Variants in EPHA5 observed in about 807,000 individuals in gnomAD.
EPHA5 encodes the protein EPH receptor A5.
In EPHA5, 60 loss-of-function variants were observed where a neutral mutation model predicts 105.0. The observed-to-expected ratio is 0.57, with a 90% CI of 0.46 to 0.71. The LOEUF (loss-of-function observed/expected upper bound fraction) is 0.71. Ranked by LOEUF, EPHA5 falls within the 30% of genes least tolerant of loss-of-function variation. EPHA5 has a pLI of 0.00. For missense variants in EPHA5, 1,218 were observed against 1,274.7 expected (o/e 0.96, Z 0.68); for synonymous variants, 513 against 449.1 (o/e 1.14, Z -1.80).
intron 8 of EPHA5, among the ~76,000 whole-genome samples, chr4:65,399,112 C>T (rs1462358156): frequency 6.6e-6 from 1 of 152,182 alleles, no homozygotes; most frequent in East Asian, 1.9e-4. Context: ...ATGTGACACC[C>T]TCTTTGGGGC....
chr4:65,584,489 T>C (rs1003284428), intron 3 of EPHA5, among the ~76,000 whole-genome samples: 9 of 151,810 alleles, frequency 5.9e-5, no homozygotes, highest in Non-Finnish European at 1.2e-4. Flanking sequence ...CCCCCAAAAA[T>C]ACTCAAATGT....
chr4:65,391,544 T>G (rs2148956740), intron 8 of EPHA5, among the ~76,000 whole-genome samples: 1 of 152,252 alleles, frequency 6.6e-6, no homozygotes, highest in South Asian at 2.1e-4. Flanking sequence ...ATTTCTCTGT[T>G]GAATAGATGT....
rs1736717295 is a variant in EPHA5, at chr4:65,540,547, T to C, written c.911-45004A>G. Among the ~76,000 whole-genome samples the C allele has an allele frequency of 8.6e-5, 13 of 151,550 alleles. No individual in the cohort carries two copies. In the South Asian group the frequency reaches 2.7e-3, roughly 31 times the overall value. On this transcript the variant is annotated intron_variant, in intron 3 of 16. Coordinates refer to ENST00000613740, the MANE Select transcript of EPHA5 (RefSeq NM_001281766.3). ...GCATAGGAGAACTATTTTTAAATAA[T>C]GAAAGAGAGAAGCATTTTAAAAGAT...
intron 8 of EPHA5, among the ~76,000 whole-genome samples, chr4:65,373,059 GT>G (rs1295881755): frequency 6.6e-6 from 1 of 151,704 alleles, no homozygotes; most frequent in Non-Finnish European, 1.5e-5. Flanking sequence ...AATTCTCCCT[GT>G]TTTTTAAAAG....
intron 5 of EPHA5, among the ~76,000 whole-genome samples, chr4:65,458,550 T>C (rs1412511007): frequency 6.6e-6 from 1 of 152,146 alleles, no homozygotes; most frequent in Admixed American, 6.5e-5. Flanking sequence ...AAATAATCAC[T>C]GTTTCTTCTT....
In EPHA5 at chr4:65,330,469, T is replaced by C. The variant is rs111977703; in HGVS notation, c.2945+1504A>G. The stretch of plus-strand genomic sequence containing the variant: ...TAATGCAAAAACTATAATTTGTAAT[T>C]ATAACTATTTTTTGAAGGAAGAAGC... On this transcript the variant is annotated intron_variant, in intron 16 of 16. Coordinates refer to ENST00000613740, the MANE Select transcript of EPHA5 (RefSeq NM_001281766.3). 718 of 244,556 alleles carry C rather than the reference T, an allele frequency of 2.9e-3. 10 individuals are homozygous for C. The highest frequency in any genetic ancestry group is 0.015 in the African/African-American group (676 of 43,710). The allele number at this position is 244,556 out of a possible 1,614,324, so 15.1% of individuals were successfully genotyped here.
chr4:65,602,996 T>C (rs1743888595), intron 2 of EPHA5, among the ~76,000 whole-genome samples: 1 of 152,110 alleles, frequency 6.6e-6, no homozygotes, highest in Non-Finnish European at 1.5e-5. Flanking sequence ...AAAGAAAGAT[T>C]AAAAATTACA....
At chr4:65,426,098 G>T (rs922711889) in intron 5 of EPHA5, among the ~76,000 whole-genome samples, 4 of 152,052 alleles carry the variant, frequency 2.6e-5, no homozygotes, top group Non-Finnish European at 4.4e-5. Context: ...GTGTGTTATT[G>T]TTCATGCTGT....
intron 11 of EPHA5, among the ~76,000 whole-genome samples, chr4:65,357,483 T>C (rs892079992): frequency 9.9e-5 from 15 of 151,510 alleles, no homozygotes; most frequent in African/African-American, 2.9e-4. Context: ...TATTCAACCA[T>C]TGATGGCAGA....
chr4:65,463,158 C>A (rs2149135262), intron 5 of EPHA5, among the ~76,000 whole-genome samples: 1 of 152,186 alleles, frequency 6.6e-6, no homozygotes, highest in Non-Finnish European at 1.5e-5. Flanking sequence ...TACTACTTTG[C>A]CACTTACAAT....
intron 3 of EPHA5, among the ~76,000 whole-genome samples, chr4:65,601,012 G>T (rs1743668419): frequency 6.6e-6 from 1 of 152,002 alleles, no homozygotes; most frequent in Non-Finnish European, 1.5e-5. Flanking sequence ...CTTTTGTATT[G>T]GTTCTATCTT....
intron 5 of EPHA5, among the ~76,000 whole-genome samples, chr4:65,431,828 G>A (rs990834991): frequency 3.3e-5 from 5 of 152,190 alleles, no homozygotes; most frequent in Middle Eastern, 3.4e-3. Flanking sequence ...AGCACAGAGA[G>A]TGGCCTCATT....
chr4:65,453,909 G>T (rs990301172), intron 5 of EPHA5, among the ~76,000 whole-genome samples: 1 of 152,058 alleles, frequency 6.6e-6, no homozygotes, highest in Non-Finnish European at 1.5e-5. Context: ...GCCTTATGCT[G>T]CCTCGGTTGA....
chr4:65,403,611 T>G (rs1161911674), intron 8 of EPHA5, among the ~76,000 whole-genome samples: 4 of 152,064 alleles, frequency 2.6e-5, no homozygotes, highest in Admixed American at 6.6e-5. Flanking sequence ...TTTATTTAGT[T>G]TATTTTGTTT....
chr4:65,668,607 G>C (rs1362509619), intron 1 of EPHA5, among the ~76,000 whole-genome samples: 1 of 152,080 alleles, frequency 6.6e-6, no homozygotes, highest in African/African-American at 2.4e-5. Flanking sequence ...CAAGAGGCAG[G>C]CGGACAGAGG....
intron 3 of EPHA5, among the ~76,000 whole-genome samples, chr4:65,536,878 T>A (rs1736341594): frequency 6.6e-6 from 1 of 151,826 alleles, no homozygotes; most frequent in African/African-American, 2.4e-5. Context: ...TTAAAATTAA[T>A]GAAATTTGTT....
rs575870741 is a variant in EPHA5, at chr4:65,336,943, T to C, written c.2596-818A>G. On this transcript the variant is annotated intron_variant, in intron 14 of 16. Coordinates refer to ENST00000613740, the MANE Select transcript of EPHA5 (RefSeq NM_001281766.3). ...ATACTAAAACAAATATTAATGAACA[T>C]ATTTCTCAATATCTTATTTTGCATA... Among the ~76,000 whole-genome samples, 10 of 152,272 alleles carry C rather than the reference T, an allele frequency of 6.6e-5. No individual in the cohort carries two copies. The South Asian group carries it at 2.1e-3, about 32-fold the overall frequency.
chr4:65,623,316 C>T (rs575407898), intron 2 of EPHA5, among the ~76,000 whole-genome samples: 13 of 152,122 alleles, frequency 8.5e-5, no homozygotes, highest in African/African-American at 2.6e-4. Context: ...GTCCTGAAAC[C>T]AAATTCCTTT....
intron 5 of EPHA5, among the ~76,000 whole-genome samples, chr4:65,485,664 A>G (rs1472732245): frequency 2.6e-5 from 4 of 152,174 alleles, no homozygotes; most frequent in African/African-American, 9.7e-5. Context: ...TTCAACTTGA[A>G]CACACCTATT....
Sources: allele counts gnomAD v4.1 joint callset (sites outside exome capture counted in the v4.1 genomes callset), GRCh38; gene constraint gnomAD v4.1.1; transcripts MANE v1.5; gene names NCBI Gene and HGNC (gene_info 2026-07-23, HGNC 2026-07-21).